BDH2: variants seen among roughly 807,000 people sequenced by gnomAD.
BDH2 encodes the protein dehydrogenase/reductase SDR family member 6.
Under a neutral mutation model 33.2 loss-of-function variants are expected in BDH2, and 24 were observed. That is an observed-to-expected ratio of 0.72 (90% confidence interval 0.52 to 1.02). The LOEUF (loss-of-function observed/expected upper bound fraction) is 1.02, where lower values mean the gene tolerates loss of function less well. Ranked by LOEUF, BDH2 falls within the 50% of genes least tolerant of loss-of-function variation. BDH2 has a pLI of 0.00. For missense variants in BDH2, 249 were observed against 301.6 expected, an observed-to-expected ratio of 0.83 and a Z score of 1.29; for synonymous variants, 81 against 101.6, an observed-to-expected ratio of 0.80 and a Z score of 1.22.
intron 7 of BDH2, among the ~76,000 whole-genome samples, chr4:103,085,129 G>A (rs187346846): frequency 1.3e-4 from 20 of 152,256 alleles, no homozygotes; most frequent in Admixed American, 1.1e-3. Context: ...GGAAAGTTCT[G>A]CTTTTCTTCT....
intron 1 of BDH2, chr4:103,098,532 G>A (rs554026916): frequency 2.0e-5 from 3 of 152,348 alleles, no homozygotes; most frequent in Non-Finnish European, 2.9e-5. Context: ...CCACCTTCTC[G>A]GGGCCGTTAC....
intron 7 of BDH2, among the ~76,000 whole-genome samples, chr4:103,084,650 C>T (rs551734639): frequency 1.1e-4 from 16 of 152,334 alleles, no homozygotes; most frequent in African/African-American, 3.8e-4. Flanking sequence ...ATGCATTCTT[C>T]TTTTTCTTAG....
intron 3 of BDH2, among the ~76,000 whole-genome samples, chr4:103,094,663 T>TA (rs1436644995): frequency 2.0e-5 from 3 of 152,054 alleles, no homozygotes; most frequent in South Asian, 4.1e-4. Context: ...ATAATTTAAA[T>TA]AAAAAATTTA....
intron 1 of BDH2, among the ~76,000 whole-genome samples, chr4:103,096,898 C>T (rs1366115704): frequency 1.3e-5 from 2 of 152,168 alleles, no homozygotes; most frequent in Non-Finnish European, 2.9e-5. Context: ...AGGACAGCCT[C>T]TGGTGCTGAG....
intron 5 of BDH2, 98 bp from the exon 6 acceptor site, chr4:103,086,638 T>C: frequency 3.5e-6 from 5 of 1,429,500 alleles, no homozygotes; most frequent in Non-Finnish European, 4.7e-6. Flanking sequence ...GTTTGCAGAA[T>C]GAATTTAATT....
chr4:103,082,310 T>A (rs1747563392), intron 8 of BDH2, 137 bp from the exon 9 acceptor site: 5 of 693,942 alleles, frequency 7.2e-6, no homozygotes, highest in Non-Finnish European at 1.2e-5. Context: ...GTTATGGTGA[T>A]TCTTTTGCCA....
Position 103,096,192 on chromosome 4 carries a change from T to G in BDH2, c.63A>C (p.Ala21=). ...GTAACTTATAACTTACTAAGGCAGC[T>G]GCTTGGCCAATCCCCTGAGCAGCGG... The part of the protein sequence containing the change: ...LTAAAQGIGQ[A]AALAFAREGA... The change falls in exon 2 of 10, where the codon GCA becomes GCC. Residue 21 remains alanine, a synonymous_variant. Transcript: ENST00000296424. The G allele has an allele frequency of 6.2e-7, 1 of 1,612,540 alleles. No homozygotes were observed. The highest frequency in any genetic ancestry group is 8.5e-7 in the Non-Finnish European group (1 of 1,178,726).
chr4:103,082,808 A>T (rs2110695766), intron 8 of BDH2, 63 bp downstream of exon 8: 2 of 1,373,516 alleles, frequency 1.5e-6, no homozygotes, highest in South Asian at 2.3e-5. Context: ...TTTGTCTGCT[A>T]TAGGTATGGA....
chr4:103,099,264 A>G (rs1034405858), intron 1 of BDH2: 10 of 152,254 alleles, frequency 6.6e-5, no homozygotes, highest in African/African-American at 2.4e-4. Flanking sequence ...CAGCCTTTCT[A>G]TGCACTCTGA....
chr4:103,090,673 G>A (rs923345740), intron 5 of BDH2, among the ~76,000 whole-genome samples: 4 of 152,078 alleles, frequency 2.6e-5, no homozygotes, highest in Non-Finnish European at 5.9e-5. Context: ...TTCCAGTCTC[G>A]TGTGCCTCCC....
At chr4:103,083,961 G>A (rs569893385) in intron 7 of BDH2, among the ~76,000 whole-genome samples, 1 of 151,992 alleles carries the variant, frequency 6.6e-6, no homozygotes, top group Non-Finnish European at 1.5e-5. Context: ...CAAGACTCTG[G>A]GTAGAAATCA....
chr4:103,079,436 G>A lies in BDH2; in HGVS notation c.*266C>T. On this transcript the variant is annotated 3_prime_UTR_variant, in exon 10 of 10. Transcript: ENST00000296424. ...GCAGCCCAAAGTGACTAAGACAGAT[G>A]CTAACAAATCGAGATTTATTTTAAA... 1 of 415,914 alleles carries A rather than the reference G, an allele frequency of 2.4e-6. No homozygotes were observed. The highest frequency in any genetic ancestry group is 4.4e-6 in the Non-Finnish European group (1 of 228,792). 25.8% of individuals were successfully genotyped at this position (415,914 alleles called of 1,614,324 possible).
chr4:103,099,074 A>G (rs1748533517), intron 1 of BDH2: 1 of 152,198 alleles, frequency 6.6e-6, no homozygotes, highest in Non-Finnish European at 1.5e-5. Flanking sequence ...TCTAAAGTAT[A>G]ACTTTAGAAA....
At chr4:103,087,385 C>G (rs1394474997) in intron 5 of BDH2, among the ~76,000 whole-genome samples, 1 of 151,982 alleles carries the variant, frequency 6.6e-6, no homozygotes, top group East Asian at 1.9e-4. Flanking sequence ...ACTGTGGTGC[C>G]CAGAGACTAG....
At chr4:103,086,846 ATGT>A (rs1476574055) in intron 5 of BDH2, among the ~76,000 whole-genome samples, 2 of 152,190 alleles carry the variant, frequency 1.3e-5, no homozygotes, top group African/African-American at 2.4e-5. Flanking sequence ...ATGTGAATAA[ATGT>A]TGTTATTGTG....
At chr4:103,091,509 A>C (rs941478235) in intron 4 of BDH2, 31 of 449,878 alleles carry the variant, frequency 6.9e-5, no homozygotes, top group Non-Finnish European at 1.3e-4. Context: ...TCCAAACAAA[A>C]GTATGGTCAC....
intron 7 of BDH2, among the ~76,000 whole-genome samples, chr4:103,084,583 A>G (rs1258901906): frequency 6.6e-6 from 1 of 152,224 alleles, no homozygotes; most frequent in Non-Finnish European, 1.5e-5. Flanking sequence ...GGCACCAAGA[A>G]TAGCTAGACT....
chr4:103,091,152 C>T, intron 5 of BDH2, 25 bp downstream of exon 5: 6 of 1,471,714 alleles, frequency 4.1e-6, no homozygotes, highest in Non-Finnish European at 5.7e-6. Context: ...GGTGCTTATC[C>T]TGGTGGTGGT....
At chr4:103,094,927 A>G (rs1300099847) in intron 3 of BDH2, among the ~76,000 whole-genome samples, 1 of 152,152 alleles carries the variant, frequency 6.6e-6, no homozygotes, top group Non-Finnish European at 1.5e-5. Flanking sequence ...CAACTAGTAA[A>G]TTTTCACATG....
Sources: allele counts gnomAD v4.1 joint callset (sites outside exome capture counted in the v4.1 genomes callset), GRCh38; gene constraint gnomAD v4.1.1; transcripts MANE v1.5; gene names NCBI Gene and HGNC (gene_info 2026-07-23, HGNC 2026-07-21).